DNAH7: variants seen among roughly 807,000 people sequenced by gnomAD.
DNAH7 encodes the protein dynein axonemal heavy chain 7, also known as axonemal beta dynein heavy chain 7.
Under a neutral mutation model 444.6 loss-of-function variants are expected in DNAH7, and 397 were observed. That is an observed-to-expected ratio of 0.89 (90% CI 0.82 to 0.97). The LOEUF (loss-of-function observed/expected upper bound fraction) is 0.97, where lower values mean the gene tolerates loss of function less well. Ranked by LOEUF, DNAH7 falls within the 50% of genes least tolerant of loss-of-function variation. DNAH7 has a pLI of 0.00. For missense variants in DNAH7, 4,902 were observed against 4,800.8 expected, an observed-to-expected ratio of 1.02 and a Z score of -0.62; for synonymous variants, 1,636 against 1,624.4, an observed-to-expected ratio of 1.01 and a Z score of -0.17.
intron 29 of DNAH7, 67 bp downstream of exon 29, chr2:195,897,600 A>AC (rs1317278082): frequency 1.1e-6 from 1 of 907,880 alleles, no homozygotes; most frequent in African/African-American, 1.7e-5. Flanking sequence ...GAGCTTCACA[A>AC]CCTTAGACAT....
chr2:196,025,742 T>C (rs767738736), intron 7 of DNAH7, among the ~76,000 whole-genome samples: 2 of 152,202 alleles, frequency 1.3e-5, no homozygotes, highest in Non-Finnish European at 2.9e-5. Context: ...CATTACACTA[T>C]GAACTCTGAG....
chr2:195,940,384 A>G (rs1689344110), intron 19 of DNAH7, among the ~76,000 whole-genome samples: 1 of 152,230 alleles, frequency 6.6e-6, no homozygotes, highest in African/African-American at 2.4e-5. Flanking sequence ...AAGATTGGTT[A>G]AAGACTTAAT....
intron 61 of DNAH7, among the ~76,000 whole-genome samples, chr2:195,767,528 T>C (rs1694642812): frequency 6.6e-6 from 1 of 152,014 alleles, no homozygotes; most frequent in Admixed American, 6.5e-5. Context: ...GTTTTAGCAT[T>C]TAAAATTTAT....
In DNAH7 at chr2:195,816,911, C is replaced by T. The variant is rs779648268; in HGVS notation, c.9478G>A (p.Gly3160Ser). ...KILEVLSSSE[G>S]NILEDETAIK... ...GCAGTTTCATCTTCTAATATATTGC[C>T]TTCCGAAGATGAAAGAACTTCTAAA... The change falls in exon 51 of 65, where the codon GGC (glycine) becomes AGC (serine). Residue 3160 changes from glycine to serine, a missense_variant. Gly to Ser is a moderately conservative substitution (Grantham distance 56). Transcript: ENST00000312428. The T allele has an allele frequency of 1.2e-6, 2 of 1,611,052 alleles. No individual in the cohort carries two copies. The highest frequency in any genetic ancestry group is 4.5e-5 in the East Asian group (2 of 44,808).
chr2:196,016,130 G>A (rs1429307950), intron 9 of DNAH7, among the ~76,000 whole-genome samples: 1 of 151,590 alleles, frequency 6.6e-6, no homozygotes, highest in Non-Finnish European at 1.5e-5. Context: ...CTTATCTCTT[G>A]CCTCCTGAAA....
chr2:195,946,631 G>A (rs1328873387), intron 19 of DNAH7, among the ~76,000 whole-genome samples: 1 of 152,146 alleles, frequency 6.6e-6, no homozygotes, highest in Admixed American at 6.6e-5. Flanking sequence ...CCATTTTGCA[G>A]GATCAGGTAT....
chr2:195,928,112 G>C (rs966034792), intron 21 of DNAH7, among the ~76,000 whole-genome samples: 9 of 151,974 alleles, frequency 5.9e-5, no homozygotes, highest in Non-Finnish European at 1.0e-4. Flanking sequence ...GTCTATTGTT[G>C]CCATGTTTAT....
chr2:195,886,800 G>A (rs769016314), intron 33 of DNAH7, among the ~76,000 whole-genome samples: 1 of 152,078 alleles, frequency 6.6e-6, no homozygotes, highest in African/African-American at 2.4e-5. Context: ...ATGAAATAAC[G>A]TGTAATGCTC....
chr2:195,981,613 G>A (rs1189470740), intron 15 of DNAH7, among the ~76,000 whole-genome samples: 1 of 152,086 alleles, frequency 6.6e-6, no homozygotes, highest in Admixed American at 6.6e-5. Context: ...CAGAAAAACT[G>A]ACACACAGAC....
rs540102286 is a variant in DNAH7 at position 195,824,432 on chromosome 2, A to G, written c.9114T>C (p.Asn3038=). 4 of 1,603,798 alleles carry G rather than the reference A, an allele frequency of 2.5e-6. No individual in the cohort carries two copies. The highest frequency in any genetic ancestry group is 4.5e-5 in the East Asian group (2 of 44,626). The part of the protein sequence containing the change: ...IQFGTPVLLE[N]VGEELDPILE... ...AAATAGGATCTAGTTCTTCGCCAAC[A>G]TTTTCTAGCAACACTGGAGTAAAAT... Residue 3038 remains asparagine, a synonymous_variant, in exon 49 of 65, where the codon AAT becomes AAC. Transcript: ENST00000312428.
chr2:195,986,960 G>T, intron 14 of DNAH7, 106 bp downstream of exon 14: 2 of 1,013,416 alleles, frequency 2.0e-6, no homozygotes, highest in Non-Finnish European at 2.8e-6. Context: ...TCATTTCTTT[G>T]GAATCATTTA....
At chr2:195,871,088 G>C (rs914876198) in intron 40 of DNAH7, among the ~76,000 whole-genome samples, 2 of 152,152 alleles carry the variant, frequency 1.3e-5, no homozygotes, top group African/African-American at 4.8e-5. Context: ...CCTTTCCAAA[G>C]AATCACTTTT....
At chr2:195,786,099 A>G (rs752010622) in intron 58 of DNAH7, among the ~76,000 whole-genome samples, 1 of 152,194 alleles carries the variant, frequency 6.6e-6, no homozygotes, top group Non-Finnish European at 1.5e-5. Flanking sequence ...GATTCTTCAC[A>G]TAAGTTTAGA....
At chr2:195,993,683 C>T (rs914977457) in intron 12 of DNAH7, among the ~76,000 whole-genome samples, 2 of 152,282 alleles carry the variant, frequency 1.3e-5, no homozygotes, top group Non-Finnish European at 2.9e-5. Context: ...CCTTCTGGGA[C>T]ACAGAGTCCA....
intron 55 of DNAH7, among the ~76,000 whole-genome samples, chr2:195,798,116 C>A (rs1036656763): frequency 6.6e-6 from 1 of 152,164 alleles, no homozygotes; most frequent in Non-Finnish European, 1.5e-5. Context: ...TGTTAAAAGT[C>A]TTCTTAAATT....
rs200378493 is a variant in DNAH7, at chr2:195,804,305, TCATA to T, written c.10176+2431_10176+2434del. The stretch of plus-strand genomic sequence containing the variant: ...AGCATAATAGCCATGTATTATTTTA[TCATA>T]CATAGATTCCAAAATCATAATTTCA... On this transcript the variant is annotated intron_variant, in intron 54 of 64. Transcript: ENST00000312428. 1.5e-3 allele frequency among the ~76,000 whole-genome samples: 230 copies of T among 152,364 alleles called. 5 individuals are homozygous for T. In the East Asian group the frequency reaches 0.036, roughly 24 times the overall value.
At chr2:195,799,523 A>G in intron 54 of DNAH7, 51 bp from the exon 55 acceptor site, 1 of 1,423,336 alleles carries the variant, frequency 7.0e-7, no homozygotes, top group East Asian at 2.5e-5. Flanking sequence ...TCTGCCTAAA[A>G]CCATTAAAAA....
chr2:195,949,709 T>C (rs1690085694), intron 19 of DNAH7, among the ~76,000 whole-genome samples: 1 of 152,246 alleles, frequency 6.6e-6, no homozygotes, highest in Non-Finnish European at 1.5e-5. Flanking sequence ...CTTCCAGCTT[T>C]TGCCCATTCA....
In DNAH7 at chr2:195,762,130, CTT is replaced by C. The variant is rs1276496571; in HGVS notation, c.11434-5847_11434-5846del. Among the ~76,000 whole-genome samples, 6 of 151,994 alleles carry C rather than the reference CTT, an allele frequency of 3.9e-5. 1 individual carries two copies. Among genetic ancestry groups the C allele is most frequent in the African/African-American group, 1.4e-4 (6 of 41,424 alleles). On this transcript the variant is annotated intron_variant, in intron 61 of 64. Transcript: ENST00000312428. The stretch of plus-strand genomic sequence containing the variant: ...AGTGTAGAGTTTTTATTAGGTTTCT[CTT>C]TGCTTGTTTCTTTGTTTATGCAATC...
Sources: allele counts gnomAD v4.1 joint callset (sites outside exome capture counted in the v4.1 genomes callset), GRCh38; gene constraint gnomAD v4.1.1; transcripts MANE v1.5; gene names NCBI Gene and HGNC (gene_info 2026-07-23, HGNC 2026-07-21).